Variants in CCDC141 observed in about 807,000 individuals in gnomAD.
CCDC141 encodes the protein coiled-coil domain containing 141.
Under a neutral mutation model 181.0 loss-of-function variants are expected in CCDC141, and 168 were observed. The observed-to-expected ratio is 0.93, with a 90% CI of 0.82 to 1.05. The LOEUF (loss-of-function observed/expected upper bound fraction) is 1.05, where lower values mean the gene tolerates loss of function less well. Ranked by LOEUF, CCDC141 falls within the 50% of genes least tolerant of loss-of-function variation. The probability of loss-of-function intolerance (pLI) is 0.00; values close to 1 mark genes in which losing one functional copy is unlikely to be tolerated. For synonymous variants in CCDC141, 666 were observed against 642.3 expected (o/e 1.04, Z -0.56); for missense variants, 1,902 against 1,788.5 (o/e 1.06, Z -1.14).
At chr2:178,887,724 T>C (rs547788804) in intron 9 of CCDC141, among the ~76,000 whole-genome samples, 1 of 152,310 alleles carries the variant, frequency 6.6e-6, no homozygotes, top group East Asian at 1.9e-4. Context: ...AATACAGACA[T>C]TGATATTTAA....
rs188793438 is a variant in CCDC141, at chr2:178,834,582, C to T, written c.4326-142G>A. The T allele has an allele frequency of 2.6e-3, 2,295 of 892,906 alleles. 35 individuals are homozygous for T. The highest frequency in any genetic ancestry group is 0.021 in the South Asian group (1,164 of 54,892). The allele number at this position is 892,906 out of a possible 1,614,324, so 55.3% of individuals were successfully genotyped here. A position where few individuals can be genotyped will look rare whatever the true frequency, so the allele number is the denominator to read the frequency against. On this transcript the variant is annotated intron_variant, in intron 23 of 23. Transcript: ENST00000443758. ...AGGAACCTTGTAGCCACAACAAATT[C>T]CAGTGGGGCTCTTTATCTTTTTTTC...
At chr2:178,985,201 T>A (rs1249011390) in intron 2 of CCDC141, among the ~76,000 whole-genome samples, 9 of 151,558 alleles carry the variant, frequency 5.9e-5, no homozygotes, top group African/African-American at 1.5e-4. Context: ...CTGAAGAACC[T>A]GCTCCTGAAT....
intron 1 of CCDC141, among the ~76,000 whole-genome samples, chr2:179,049,581 TTTCTTTTC>T (rs1410842578): frequency 6.6e-6 from 1 of 150,708 alleles, no homozygotes; most frequent in African/African-American, 2.5e-5. Context: ...TTTATTTTTC[TTTCTTTTC>T]TTTTTTTTTT....
At chr2:178,904,975 A>C (rs1687891118) in intron 8 of CCDC141, among the ~76,000 whole-genome samples, 1 of 152,190 alleles carries the variant, frequency 6.6e-6, no homozygotes. Context: ...TAGACTCAAG[A>C]CTCATGAACC....
chr2:178,980,798 T>C (rs1000004807), intron 2 of CCDC141, among the ~76,000 whole-genome samples: 14 of 152,248 alleles, frequency 9.2e-5, no homozygotes, highest in African/African-American at 3.1e-4. Flanking sequence ...TATTTTGCAA[T>C]GTATACATAC....
At chr2:178,989,342 C>T (rs1575313413) in intron 2 of CCDC141, among the ~76,000 whole-genome samples, 1 of 151,954 alleles carries the variant, frequency 6.6e-6, no homozygotes, top group Admixed American at 6.6e-5. Flanking sequence ...GCCTGTAATC[C>T]CAGCTCTTTG....
Position 179,045,064 on chromosome 2 carries a change from GGTTA to G in CCDC141, c.225+2216_225+2219del, listed in dbSNP as rs1250221600. Among the ~76,000 whole-genome samples the G allele has an allele frequency of 2.0e-5, 3 of 149,476 alleles. No homozygotes were observed. In the South Asian group the frequency reaches 6.4e-4, roughly 32 times the overall value. On this transcript the variant is annotated intron_variant, in intron 2 of 23. Coordinates refer to ENST00000443758, the MANE Select transcript of CCDC141 (RefSeq NM_173648.4). ...TTAGGGTACATGTGCACAATATGCA[GGTTA>G]GTTACATATGTATACATGTGCCATG...
chr2:178,997,516 A>G (rs1692342478), intron 2 of CCDC141, among the ~76,000 whole-genome samples: 1 of 152,046 alleles, frequency 6.6e-6, no homozygotes, highest in African/African-American at 2.4e-5. Context: ...TGGGAAGGAG[A>G]CACAGAGGCC....
At chr2:178,898,101 G>A (rs995211895) in intron 8 of CCDC141, among the ~76,000 whole-genome samples, 4 of 152,180 alleles carry the variant, frequency 2.6e-5, no homozygotes, top group Admixed American at 6.5e-5. Flanking sequence ...TCTCAATGAG[G>A]TGGTGTTGGG....
chr2:178,941,144 A>T (rs1170617566), intron 6 of CCDC141, among the ~76,000 whole-genome samples: 1 of 152,028 alleles, frequency 6.6e-6, no homozygotes, highest in Non-Finnish European at 1.5e-5. Flanking sequence ...GAGGACTTTA[A>T]CTCTCATCAT....
intron 6 of CCDC141, among the ~76,000 whole-genome samples, chr2:178,926,007 C>A (rs941252582): frequency 6.6e-6 from 1 of 152,048 alleles, no homozygotes; most frequent in African/African-American, 2.4e-5. Context: ...GTTTTATCCA[C>A]AATAAACCTC....
At chr2:178,982,718 G>T (rs561468097) in intron 2 of CCDC141, among the ~76,000 whole-genome samples, 5 of 152,260 alleles carry the variant, frequency 3.3e-5, no homozygotes, top group Non-Finnish European at 7.4e-5. Context: ...GGCACCTGGA[G>T]AATCGGGTCA....
At chr2:179,034,942 T>G (rs962226719) in intron 2 of CCDC141, among the ~76,000 whole-genome samples, 1 of 152,188 alleles carries the variant, frequency 6.6e-6, no homozygotes, top group African/African-American at 2.4e-5. Flanking sequence ...AATATTTTTC[T>G]CCCTATCTAT....
At chr2:178,931,533 G>A (rs990525030) in intron 6 of CCDC141, among the ~76,000 whole-genome samples, 2 of 152,080 alleles carry the variant, frequency 1.3e-5, no homozygotes, top group African/African-American at 2.4e-5. Flanking sequence ...GGATAGACCT[G>A]AAAAACATGC....
intron 20 of CCDC141, among the ~76,000 whole-genome samples, chr2:178,852,761 A>G (rs1480981308): frequency 6.6e-6 from 1 of 152,192 alleles, no homozygotes; most frequent in Non-Finnish European, 1.5e-5. Context: ...ATACCAGGGA[A>G]TTCATGGAAC....
intron 6 of CCDC141, among the ~76,000 whole-genome samples, chr2:178,919,333 A>G (rs1401407536): frequency 6.6e-6 from 1 of 152,230 alleles, no homozygotes; most frequent in Admixed American, 6.5e-5. Flanking sequence ...TATATCAAAA[A>G]TCTGCCATTC....
intron 2 of CCDC141, among the ~76,000 whole-genome samples, chr2:179,011,326 T>C (rs1391998989): frequency 6.6e-6 from 1 of 152,156 alleles, no homozygotes; most frequent in Non-Finnish European, 1.5e-5. Flanking sequence ...TAGCTATCAT[T>C]ATATCAGACA....
chr2:179,042,836 G>A (rs2043352943), intron 2 of CCDC141, among the ~76,000 whole-genome samples: 1 of 152,100 alleles, frequency 6.6e-6, no homozygotes, highest in African/African-American at 2.4e-5. Flanking sequence ...ACCCACTTAA[G>A]CTGGCAGAAG....
At chr2:178,870,231 C>CAAAA (rs34625707) in intron 14 of CCDC141, among the ~76,000 whole-genome samples, 8,312 of 59,898 alleles carry the variant, frequency 0.14, 1,569 homozygotes, top group African/African-American at 0.33. Flanking sequence ...GACTCTGTCT[C>CAAAA]AAAAAAAAAA....
Sources: gnomAD v4.1 joint callset for allele counts (sites outside exome capture counted in the v4.1 genomes callset) on GRCh38, gnomAD v4.1.1 for gene constraint, MANE v1.5 for transcripts, NCBI Gene and HGNC (gene_info 2026-07-23, HGNC 2026-07-21) for gene names.